The following GPM6A variants were observed in gnomAD, a reference collection of about 807,000 sequenced individuals.
GPM6A encodes neuronal membrane glycoprotein M6-a.
A neutral mutation model predicts 32.1 loss-of-function variants in GPM6A; 7 were observed. The ratio of observed to expected loss-of-function variants is 0.22; its 90% CI spans 0.12 to 0.41. The LOEUF (loss-of-function observed/expected upper bound fraction) is 0.41. Ranked by LOEUF, GPM6A falls within the 10% of genes least tolerant of loss-of-function variation. GPM6A has a pLI of 1.00. For missense variants in GPM6A, 235 were observed against 347.2 expected (o/e 0.68, Z 2.57); for synonymous variants, 130 against 123.4 (o/e 1.05, Z -0.35).
intron 1 of GPM6A, among the ~76,000 whole-genome samples, chr4:175,802,745 C>T (rs1038886934): frequency 6.6e-6 from 1 of 151,938 alleles, no homozygotes; most frequent in African/African-American, 2.4e-5. Flanking sequence ...ATTTTAACAG[C>T]GTATTATAAA....
intron 2 of GPM6A, among the ~76,000 whole-genome samples, chr4:175,688,971 G>A (rs1038749129): frequency 6.6e-6 from 1 of 152,142 alleles, no homozygotes; most frequent in Non-Finnish European, 1.5e-5. Context: ...TCCAGTCTCA[G>A]CCTCCTGAGC....
intron 1 of GPM6A, among the ~76,000 whole-genome samples, chr4:175,886,368 G>A (rs1036935141): frequency 6.6e-6 from 1 of 152,132 alleles, no homozygotes; most frequent in Non-Finnish European, 1.5e-5. Flanking sequence ...GTAAAATGTT[G>A]GGAGAAAATA....
intron 1 of GPM6A, among the ~76,000 whole-genome samples, chr4:175,997,332 G>T (rs564966034): frequency 2.6e-4 from 40 of 152,258 alleles, no homozygotes; most frequent in Middle Eastern, 3.4e-3. Flanking sequence ...ACTCTTATCA[G>T]ACTTTGTGAT....
At chr4:175,740,936 T>C (rs17599018) in intron 1 of GPM6A, among the ~76,000 whole-genome samples, 23,175 of 151,998 alleles carry the variant, frequency 0.15, 2,044 homozygotes, top group Non-Finnish European at 0.19. Flanking sequence ...GCTGCTAACT[T>C]TATCCTAGTT....
At chr4:175,772,675 AG>A (rs762571312) in intron 1 of GPM6A, among the ~76,000 whole-genome samples, 2 of 152,196 alleles carry the variant, frequency 1.3e-5, no homozygotes, top group Non-Finnish European at 2.9e-5. Context: ...TGAACACTCT[AG>A]TCTCACTTTC....
chr4:175,962,078 T>C (rs1740184194), intron 1 of GPM6A: 1 of 734,306 alleles, frequency 1.4e-6, no homozygotes, highest in East Asian at 2.5e-5. Context: ...CCAATCTGGT[T>C]AAAGTCTTTG....
At chr4:175,937,727 C>T (rs1250976085) in intron 1 of GPM6A, among the ~76,000 whole-genome samples, 3 of 151,902 alleles carry the variant, frequency 2.0e-5, no homozygotes, top group African/African-American at 7.3e-5. Flanking sequence ...ATTTTTTAAA[C>T]AAGTTGCATT....
rs541478956 is a variant in GPM6A at position 175,805,409 on chromosome 4, C to T, written c.37+6782G>A. On this transcript the variant is annotated intron_variant, in intron 1 of 6. Coordinates refer to ENST00000393658, the MANE Select transcript of GPM6A (RefSeq NM_201591.3). ...TTCTATTATAAATCAATGAAGAATG[C>T]TAATTAGCAAAATACTTTAATTGCC... Among the ~76,000 whole-genome samples, 5 of 152,196 alleles carry T rather than the reference C, an allele frequency of 3.3e-5. No homozygotes were observed. The South Asian group carries it at 1.0e-3, about 32-fold the overall frequency.
At chr4:175,662,469 T>C (rs1742482574) in intron 3 of GPM6A, among the ~76,000 whole-genome samples, 1 of 151,858 alleles carries the variant, frequency 6.6e-6, no homozygotes, top group Non-Finnish European at 1.5e-5. Context: ...GCATGGTGGT[T>C]TGTGTCTGTA....
At position 175,761,590 on chromosome 4, in the gene GPM6A, A is replaced by C. The variant is rs72702658; in HGVS notation, c.37+50601T>G. Among the ~76,000 whole-genome samples the C allele has an allele frequency of 3.5e-3, 536 of 152,330 alleles. 3 individuals carry two copies. The highest frequency in any genetic ancestry group is 0.017 in the Middle Eastern group (5 of 294). On this transcript the variant is annotated intron_variant, in intron 1 of 6. Coordinates refer to ENST00000393658, the MANE Select transcript of GPM6A (RefSeq NM_201591.3). ...AATTAAATAGTTAAGTAACAGATTTAAAATGTAGGATATAATTATTTGGAC... is the reference window on the plus strand; with the variant it reads ...AATTAAATAGTTAAGTAACAGATTTCAAATGTAGGATATAATTATTTGGAC...
chr4:175,962,695 A>G (rs1307637640), intron 1 of GPM6A, among the ~76,000 whole-genome samples: 1 of 152,194 alleles, frequency 6.6e-6, no homozygotes, highest in Non-Finnish European at 1.5e-5. Flanking sequence ...CCTAATTCCT[A>G]GCCAGACAGA....
chr4:175,929,552 T>C (rs975851667), intron 1 of GPM6A, among the ~76,000 whole-genome samples: 2 of 152,200 alleles, frequency 1.3e-5, no homozygotes, highest in Non-Finnish European at 1.5e-5. Flanking sequence ...ATGAGGCATG[T>C]ATACGACTTG....
At chr4:175,935,121 T>C (rs1168735810) in intron 1 of GPM6A, among the ~76,000 whole-genome samples, 1 of 152,248 alleles carries the variant, frequency 6.6e-6, no homozygotes, top group African/African-American at 2.4e-5. Flanking sequence ...ACTCTAGGTA[T>C]TGCACTTTAG....
At chr4:175,736,398 C>G (rs1731661276) in intron 1 of GPM6A, among the ~76,000 whole-genome samples, 1 of 152,146 alleles carries the variant, frequency 6.6e-6, no homozygotes, top group Admixed American at 6.5e-5. Flanking sequence ...GTCTTCACCT[C>G]CGAGGATCTA....
At chr4:175,972,466 A>G (rs1323360987) in intron 1 of GPM6A, among the ~76,000 whole-genome samples, 1 of 152,224 alleles carries the variant, frequency 6.6e-6, no homozygotes, top group Non-Finnish European at 1.5e-5. Context: ...TCACTTGCAG[A>G]CTTGCTCTGC....
At chr4:175,779,778 G>A (rs1348318286) in intron 1 of GPM6A, among the ~76,000 whole-genome samples, 1 of 152,122 alleles carries the variant, frequency 6.6e-6, no homozygotes, top group Non-Finnish European at 1.5e-5. Flanking sequence ...GTGATTGTTA[G>A]CTAAAAGGTT....
At chr4:175,667,483 G>T (rs916743880) in intron 3 of GPM6A, among the ~76,000 whole-genome samples, 10 of 152,078 alleles carry the variant, frequency 6.6e-5, no homozygotes, top group African/African-American at 2.2e-4. Context: ...ATGTAATATG[G>T]TATCCCGAAT....
intron 1 of GPM6A, among the ~76,000 whole-genome samples, chr4:175,749,730 A>G (rs1732246826): frequency 6.6e-6 from 1 of 152,196 alleles, no homozygotes; most frequent in Admixed American, 6.5e-5. Flanking sequence ...ATGTCATCAA[A>G]TCACCCTTAC....
intron 1 of GPM6A, among the ~76,000 whole-genome samples, chr4:175,968,114 C>T (rs781150833): frequency 3.3e-5 from 5 of 151,694 alleles, no homozygotes; most frequent in Admixed American, 6.6e-5. Flanking sequence ...AGTAATAGAA[C>T]TACACAAACA....
Sources: allele counts gnomAD v4.1 joint callset (sites outside exome capture counted in the v4.1 genomes callset), GRCh38; gene constraint gnomAD v4.1.1; transcripts MANE v1.5; gene names NCBI Gene and HGNC (gene_info 2026-07-23, HGNC 2026-07-21).